GGNBP2: variants seen among roughly 807,000 people sequenced by gnomAD.
GGNBP2 encodes gametogenetin-binding protein 2.
In GGNBP2, 10 loss-of-function variants were observed where a neutral mutation model predicts 85.9. The observed-to-expected ratio is 0.12, with a 90% CI of 0.07 to 0.20. GGNBP2 has a LOEUF of 0.20. Ranked by LOEUF, GGNBP2 falls within the 10% of genes least tolerant of loss-of-function variation. GGNBP2 has a pLI of 1.00. For missense variants in GGNBP2, 595 were observed against 857.8 expected (o/e 0.69, Z 3.83); for synonymous variants, 287 against 285.7 (o/e 1.00, Z -0.05).
chr17:36,554,338 T>C (rs899052762), intron 2 of GGNBP2, among the ~76,000 whole-genome samples: 1 of 138,554 alleles, frequency 7.2e-6, no homozygotes, highest in Non-Finnish European at 1.6e-5. Context: ...TGGAAACTTG[T>C]CTTATGTACT....
intron 2 of GGNBP2, among the ~76,000 whole-genome samples, chr17:36,548,958 G>A (rs915147060): frequency 2.6e-5 from 4 of 151,950 alleles, no homozygotes; most frequent in African/African-American, 9.7e-5. Context: ...AAAAAAAATA[G>A]CCTCTTCTTT....
At chr17:36,567,269 GAT>G (rs2074477873) in intron 5 of GGNBP2, among the ~76,000 whole-genome samples, 1 of 152,106 alleles carries the variant, frequency 6.6e-6, no homozygotes, top group Admixed American at 6.6e-5. Context: ...TTTATATAAA[GAT>G]ATGAGCACAC....
At chr17:36,572,588 A>T (rs2074536798) in intron 6 of GGNBP2, among the ~76,000 whole-genome samples, 1 of 152,090 alleles carries the variant, frequency 6.6e-6, no homozygotes, top group Admixed American at 6.6e-5. Context: ...ACTCAGGTGG[A>T]TGAGGCGGGG....
At chr17:36,554,778 G>C (rs746239401) in intron 2 of GGNBP2, 42 bp from the exon 3 acceptor site, 1 of 1,200,918 alleles carries the variant, frequency 8.3e-7, no homozygotes, top group African/African-American at 1.5e-5. Context: ...CCTGTTCTCA[G>C]AGGGGTAAAG....
intron 9 of GGNBP2, 50 bp downstream of exon 9, chr17:36,581,588 T>TAGA: frequency 1.4e-6 from 2 of 1,394,000 alleles, no homozygotes; most frequent in Non-Finnish European, 9.9e-7. Flanking sequence ...TGCTTGTAGA[T>TAGA]AGAAGTACAG....
At chr17:36,560,503 G>A (rs745351420) in intron 4 of GGNBP2, among the ~76,000 whole-genome samples, 2 of 152,008 alleles carry the variant, frequency 1.3e-5, no homozygotes, top group Non-Finnish European at 2.9e-5. Flanking sequence ...CTTTCACCTC[G>A]GCCTCCCAAA....
intron 6 of GGNBP2, 56 bp downstream of exon 6, chr17:36,567,832 C>G (rs1251862840): frequency 2.3e-6 from 2 of 852,720 alleles, no homozygotes; most frequent in Non-Finnish European, 3.9e-6. Flanking sequence ...TGTCAGTCAC[C>G]TAGAGTGGCC....
chr17:36,583,215 G>A (rs925203398), intron 9 of GGNBP2, among the ~76,000 whole-genome samples: 1 of 151,904 alleles, frequency 6.6e-6, no homozygotes, highest in Non-Finnish European at 1.5e-5. Context: ...CACCATGCCC[G>A]GCTAATTTTT....
chr17:36,568,528 C>T (rs1555606262), intron 6 of GGNBP2, among the ~76,000 whole-genome samples: 1 of 151,664 alleles, frequency 6.6e-6, no homozygotes, highest in Non-Finnish European at 1.5e-5. Flanking sequence ...AACTCCTGAC[C>T]TCAGGTAATC....
chr17:36,558,904 A>G (rs1022877835), intron 4 of GGNBP2, among the ~76,000 whole-genome samples: 1 of 151,946 alleles, frequency 6.6e-6, no homozygotes, highest in Admixed American at 6.6e-5. Flanking sequence ...AATGGTTATA[A>G]AGGATCCTGG....
intron 13 of GGNBP2, among the ~76,000 whole-genome samples, chr17:36,588,600 A>ATTTTTTTTTTTTTTTT (rs138773605): frequency 7.8e-6 from 1 of 128,794 alleles, no homozygotes; most frequent in African/African-American, 3.2e-5. Context: ...TTTAATATTT[A>ATTTTTTTTTTTTTTTT]TTTATTTTTT....
chr17:36,557,009 G>T (rs1009598838), intron 3 of GGNBP2, 74 bp from the exon 4 acceptor site: 1 of 1,563,784 alleles, frequency 6.4e-7, no homozygotes, highest in Non-Finnish European at 8.7e-7. Context: ...CACAAGGATA[G>T]GAACCAGTAG....
At chr17:36,578,294 A>T in intron 7 of GGNBP2, 108 bp downstream of exon 7, 1 of 775,770 alleles carries the variant, frequency 1.3e-6, no homozygotes. Context: ...ATATATGTAT[A>T]AATTAAAGTA....
chr17:36,579,305 G>A lies in GGNBP2; in HGVS notation c.906G>A (p.Leu302=). 6.2e-7 allele frequency: 1 copy of A among 1,614,160 alleles called. No individual in the cohort carries two copies. The highest frequency in any genetic ancestry group is 2.2e-5 in the East Asian group (1 of 44,890). ...CTCAAGAAGAAGTTCTGACCTGCTT[G>A]GGAATTCATCTTTATGAAAGACTGC... ...DIAQEEVLTC[L]GIHLYERLHR... The change falls in exon 8 of 14, where the codon TTG becomes TTA. Residue 302 remains leucine (L), a synonymous_variant. Coordinates refer to ENST00000613102, the MANE Select transcript of GGNBP2 (RefSeq NM_024835.5).
chr17:36,566,775 C>A (rs896016122), intron 5 of GGNBP2, among the ~76,000 whole-genome samples: 4 of 151,846 alleles, frequency 2.6e-5, no homozygotes, highest in Non-Finnish European at 4.4e-5. Context: ...AAAACTTATT[C>A]ACTGTAATTA....
chr17:36,549,234 G>T (rs1010847166), intron 2 of GGNBP2, among the ~76,000 whole-genome samples: 2 of 151,176 alleles, frequency 1.3e-5, no homozygotes, highest in African/African-American at 4.9e-5. Context: ...ACACAGTCTC[G>T]CTCTGTCGCC....
chr17:36,575,624 A>ATG (rs2074569489), intron 6 of GGNBP2, among the ~76,000 whole-genome samples: 1 of 62,378 alleles, frequency 1.6e-5, no homozygotes, highest in Non-Finnish European at 2.7e-5. Flanking sequence ...ATATATATAT[A>ATG]TATATATATA....
In GGNBP2 at chr17:36,563,140, C is replaced by G. The variant is rs529010025; in HGVS notation, c.527+2269C>G. Among the ~76,000 whole-genome samples, 129 of 150,804 alleles carry G rather than the reference C, an allele frequency of 8.6e-4. 2 individuals carry two copies. Among genetic ancestry groups the G allele is most frequent in the African/African-American group, 3.1e-3 (126 of 41,074 alleles). ...AATTAGCCAGGCGTGGTGGCAGGTGCTTGTAATCTTAGCTACTTGGGAGGC... is the reference window on the plus strand; with the variant it reads ...AATTAGCCAGGCGTGGTGGCAGGTGGTTGTAATCTTAGCTACTTGGGAGGC... On this transcript the variant is annotated intron_variant, in intron 5 of 13. Transcript: ENST00000613102.
chr17:36,586,917 CTTTTTT>C, intron 12 of GGNBP2, 74 bp from the exon 13 acceptor site: 6 of 1,069,708 alleles, frequency 5.6e-6, no homozygotes, highest in East Asian at 5.7e-5. Context: ...CCGTGCCCCG[CTTTTTT>C]TTTTTTTTTT....
Sources: allele counts gnomAD v4.1 joint callset (sites outside exome capture counted in the v4.1 genomes callset), GRCh38; gene constraint gnomAD v4.1.1; transcripts MANE v1.5; gene names NCBI Gene and HGNC (gene_info 2026-07-23, HGNC 2026-07-21).